TTC8: variants seen among roughly 807,000 people sequenced by gnomAD.
The protein encoded by TTC8 is tetratricopeptide repeat domain 8, also known as tetratricopeptide repeat protein 8.
Under a neutral mutation model 72.5 loss-of-function variants are expected in TTC8, and 47 were observed. The ratio of observed to expected loss-of-function variants is 0.65; its 90% confidence interval spans 0.51 to 0.83. The LOEUF is 0.83. Ranked by LOEUF, TTC8 falls within the 40% of genes least tolerant of loss-of-function variation. TTC8 has a pLI of 0.00. For missense variants in TTC8, 611 were observed against 623.2 expected, an observed-to-expected ratio of 0.98 and a Z score of 0.21; for synonymous variants, 199 against 221.4, an observed-to-expected ratio of 0.90 and a Z score of 0.90.
intron 8 of TTC8, among the ~76,000 whole-genome samples, chr14:88,856,817 C>T (rs1024782403): frequency 1.3e-5 from 2 of 152,166 alleles, no homozygotes; most frequent in Non-Finnish European, 2.9e-5. Context: ...AAATGTCATC[C>T]TTCAGCTCTT....
intron 9 of TTC8, among the ~76,000 whole-genome samples, chr14:88,858,491 A>G (rs1376014338): frequency 1.3e-5 from 2 of 152,236 alleles, no homozygotes; most frequent in Non-Finnish European, 2.9e-5. Context: ...TGAAAGTTAT[A>G]TAAATTTACT....
At chr14:88,873,225 C>T (rs555803721) in intron 13 of TTC8, among the ~76,000 whole-genome samples, 17 of 152,210 alleles carry the variant, frequency 1.1e-4, no homozygotes, top group Non-Finnish European at 1.0e-4. Context: ...GCAGACACAT[C>T]GCTGCCTTGC....
chr14:88,839,290 T>TAAATTAA (rs1316095028), intron 2 of TTC8, among the ~76,000 whole-genome samples, 162 bp from the exon 3 acceptor site: 112 of 152,312 alleles, frequency 7.4e-4, no homozygotes, highest in African/African-American at 2.6e-3. Context: ...TGGCTTCTTG[T>TAAATTAA]ATTAGTTTTT....
chr14:88,853,988 G>A (rs1379663102), intron 8 of TTC8, among the ~76,000 whole-genome samples: 1 of 152,084 alleles, frequency 6.6e-6, no homozygotes, highest in East Asian at 1.9e-4. Context: ...TGAGAAAAAA[G>A]AAGACTATAA....
chr14:88,879,675 T>C (rs1251507870), downstream of TTC8: 1 of 146,536 alleles, frequency 6.8e-6, no homozygotes, highest in African/African-American at 2.5e-5. Flanking sequence ...TTATTATTAT[T>C]ATTATTATTA....
intron 1 of TTC8, 59 bp downstream of exon 1, chr14:88,824,880 C>T: frequency 1.4e-6 from 2 of 1,473,428 alleles, no homozygotes; most frequent in African/African-American, 1.4e-5. Context: ...GGGTCTGGGG[C>T]ATATCCCAGC....
At chr14:88,873,880 A>C (rs1310412172) in intron 13 of TTC8, among the ~76,000 whole-genome samples, 1 of 152,204 alleles carries the variant, frequency 6.6e-6, no homozygotes, top group African/African-American at 2.4e-5. Context: ...AGACATGGCG[A>C]ACAGCATGCC....
rs1566832133 is a variant in TTC8, at chr14:88,833,746, CTTTAG to C, written c.144+30_144+34del. ...AGGTAAAGAAAGGTTTAGCTGCAACCTTTAGTTTAGAGAATTCTTTAATGCTATTG... is the reference window on the plus strand; with the variant it reads ...AGGTAAAGAAAGGTTTAGCTGCAACCTTTAGAGAATTCTTTAATGCTATTG... On this transcript the variant is annotated intron_variant, in intron 2 of 14. Transcript: ENST00000380656. 4 of 1,610,636 alleles carry C rather than the reference CTTTAG, an allele frequency of 2.5e-6. No individual in the cohort carries two copies. The East Asian group carries it at 8.9e-5, about 36-fold the overall frequency.
chr14:88,862,541 CATATATATATAT>C (rs71130022), intron 10 of TTC8, among the ~76,000 whole-genome samples: 404 of 23,778 alleles, frequency 0.017, 9 homozygotes, highest in South Asian at 0.051. Context: ...TCTCTCTCTC[CATATATATATAT>C]ATATATATAT....
chr14:88,877,421 G>C lies in TTC8; in HGVS notation c.*11G>C. On this transcript the variant is annotated 3_prime_UTR_variant, in exon 15 of 15. Transcript: ENST00000380656. ...TTTGCTATGCTCTGATTGTTCCTTA[G>C]ACCACATATGTTCTTATGAAGCAGC... The C allele has an allele frequency of 6.3e-7, 1 of 1,596,892 alleles. No individual in the cohort carries two copies. The highest frequency in any genetic ancestry group is 8.6e-7 in the Non-Finnish European group (1 of 1,164,574).
upstream of TTC8, chr14:88,824,534 G>A (rs2094688968): frequency 6.7e-6 from 4 of 599,940 alleles, no homozygotes; most frequent in Non-Finnish European, 1.2e-5. Flanking sequence ...CCCTGTAGCC[G>A]AGTTCTGCTT....
chr14:88,877,027 T>A (rs1241473133), intron 14 of TTC8, among the ~76,000 whole-genome samples: 1 of 152,162 alleles, frequency 6.6e-6, no homozygotes, highest in African/African-American at 2.4e-5. Context: ...CTAGAAATTA[T>A]TTATATAATT....
At chr14:88,843,936 T>C in intron 7 of TTC8, 86 bp downstream of exon 7, 1 of 953,484 alleles carries the variant, frequency 1.0e-6, no homozygotes, top group Non-Finnish European at 1.6e-6. Flanking sequence ...ATTTCTGACC[T>C]TATAAACAGA....
rs759140032 is a variant in TTC8 at position 88,872,378 on chromosome 14, G to A, written c.1273G>A (p.Val425Ile). ...CCATCAGTGCTTCAGGCTGGCTCTG[G>A]TCAACAACAACAACCACGCCGAGGC... ...LAHQCFRLAL[V>I]NNNNHAEAYN... Residue 425 changes from valine to isoleucine, a missense_variant, in exon 13 of 15, where the codon GTC becomes ATC. Coordinates refer to ENST00000380656, the MANE Select transcript of TTC8 (RefSeq NM_144596.4). The A allele has an allele frequency of 2.5e-6, 4 of 1,613,972 alleles. No homozygotes were observed. The highest frequency in any genetic ancestry group is 3.3e-5 in the Admixed American group (2 of 60,010).
intron 13 of TTC8, 58 bp downstream of exon 13, chr14:88,872,510 A>C: frequency 6.2e-7 from 1 of 1,607,826 alleles, no homozygotes; most frequent in Non-Finnish European, 8.5e-7. Context: ...AAAAGCTGTC[A>C]TGTGTGGTAG....
intron 13 of TTC8, among the ~76,000 whole-genome samples, chr14:88,873,373 C>T (rs1229678147): frequency 3.3e-5 from 5 of 152,200 alleles, no homozygotes; most frequent in Non-Finnish European, 5.9e-5. Context: ...GTCATCTCCC[C>T]CATCAGTCTA....
intron 2 of TTC8, among the ~76,000 whole-genome samples, chr14:88,836,596 A>G (rs1029377754): frequency 2.0e-5 from 3 of 152,124 alleles, no homozygotes; most frequent in South Asian, 2.1e-4. Context: ...TGCTTAGCCT[A>G]ATATAAAAAA....
chr14:88,833,630 G>A (rs927250838), intron 1 of TTC8, 63 bp from the exon 2 acceptor site: 5 of 1,499,438 alleles, frequency 3.3e-6, no homozygotes, highest in Non-Finnish European at 3.7e-6. Context: ...TTGGTCCTTA[G>A]GACTTTTTAT....
At chr14:88,826,106 G>A (rs1459860309) in intron 1 of TTC8, among the ~76,000 whole-genome samples, 1 of 151,926 alleles carries the variant, frequency 6.6e-6, no homozygotes, top group Non-Finnish European at 1.5e-5. Flanking sequence ...TCCTGCCTCA[G>A]ACTACCGAGT....
Sources: allele counts gnomAD v4.1 joint callset (sites outside exome capture counted in the v4.1 genomes callset), GRCh38; gene constraint gnomAD v4.1.1; transcripts MANE v1.5; gene names NCBI Gene and HGNC (gene_info 2026-07-23, HGNC 2026-07-21).